The following MCF2L variants were observed in gnomAD, a reference collection of about 807,000 sequenced individuals.
MCF2L encodes MCF.2 cell line derived transforming sequence like.
In MCF2L, 97 loss-of-function variants were observed where a neutral mutation model predicts 153.4. The observed-to-expected ratio is 0.63, with a 90% CI of 0.54 to 0.75. MCF2L has a LOEUF of 0.75. MCF2L is among the 30% of genes least tolerant of loss of function. The pLI, the probability that MCF2L is intolerant of heterozygous loss-of-function variation, is 0.00. For missense variants in MCF2L, 1,347 were observed against 1,495.2 expected, an observed-to-expected ratio of 0.90 and a Z score of 1.64; for synonymous variants, 659 against 632.2, an observed-to-expected ratio of 1.04 and a Z score of -0.64.
chr13:112,946,805 G>A (rs2081641885), intron 2 of MCF2L, among the ~76,000 whole-genome samples: 1 of 152,168 alleles, frequency 6.6e-6, no homozygotes, highest in African/African-American at 2.4e-5. Flanking sequence ...CCAGGAAGGT[G>A]GAACAGACAT....
At chr13:112,919,568 T>C (rs12429496) in intron 2 of MCF2L, among the ~76,000 whole-genome samples, 1 of 149,950 alleles carries the variant, frequency 6.7e-6, no homozygotes, top group African/African-American at 2.5e-5. Flanking sequence ...GGAATCACTG[T>C]TTTGTTTTAA....
At chr13:112,995,808 T>A (rs2083104976) in intron 1 of MCF2L, among the ~76,000 whole-genome samples, 1 of 152,178 alleles carries the variant, frequency 6.6e-6, no homozygotes, top group Non-Finnish European at 1.5e-5. Context: ...AAGGGTGGGA[T>A]CTGGCTTACC....
intron 20 of MCF2L, among the ~76,000 whole-genome samples, chr13:113,085,464 C>T (rs1450858701): frequency 2.0e-5 from 3 of 152,202 alleles, no homozygotes; most frequent in Non-Finnish European, 4.4e-5. Context: ...AGGGTGGAGC[C>T]GTGCCCGGAT....
At position 113,028,865 on chromosome 13, in the gene MCF2L, G is replaced by A. The variant is rs551251889; in HGVS notation, c.278+4107G>A. ...AGTGTGTGGTGTGTGTGGCGTGTGC[G>A]GGGTGTGTGTGGGGTATGTGTGGTG... On this transcript the variant is annotated intron_variant, in intron 3 of 29. Transcript: ENST00000535094. The surrounding 1 kb of genome is among the most constrained non-coding windows in gnomAD (Gnocchi z 5.4). Among the ~76,000 whole-genome samples the A allele has an allele frequency of 5.3e-5, 8 of 151,186 alleles. No individual in the cohort carries two copies. The highest frequency in any genetic ancestry group is 3.3e-4 in the Admixed American group (5 of 15,170).
At chr13:112,978,519 G>A (rs1195236606) in intron 1 of MCF2L, among the ~76,000 whole-genome samples, 1 of 152,200 alleles carries the variant, frequency 6.6e-6, no homozygotes. Context: ...GGACACCAAG[G>A]CGCCACCTCT....
At chr13:112,978,520 C>T (rs950664819) in intron 1 of MCF2L, among the ~76,000 whole-genome samples, 33 of 152,268 alleles carry the variant, frequency 2.2e-4, no homozygotes, top group African/African-American at 7.2e-4. Context: ...GACACCAAGG[C>T]GCCACCTCTC....
At chr13:112,968,610 C>T (rs1170809763), upstream of MCF2L, 2 of 1,531,310 alleles carry the variant, frequency 1.3e-6, no homozygotes, top group Admixed American at 3.9e-5. Flanking sequence ...GACCCACGGA[C>T]CTGCTTACCT....
At chr13:112,997,434 A>T (rs1025076238) in intron 1 of MCF2L, among the ~76,000 whole-genome samples, 1 of 152,222 alleles carries the variant, frequency 6.6e-6, no homozygotes, top group Non-Finnish European at 1.5e-5. Context: ...GGGACCCCGT[A>T]CGTGGACAGC....
At position 113,000,248 on chromosome 13, in the gene MCF2L, C is replaced by T. The variant is rs544333222; in HGVS notation, c.80-14515C>T. On this transcript the variant is annotated intron_variant, in intron 1 of 29. Coordinates refer to ENST00000535094, the MANE Select transcript of MCF2L (RefSeq NM_001112732.3). ...GCTGTGGCTCAGGGGGCAGCTCACA[C>T]CGTGGGTACCAGCCAGCCCTAGGTC... is the stretch of plus-strand genomic sequence containing the variant. Among the ~76,000 whole-genome samples the T allele has an allele frequency of 1.2e-4, 19 of 152,196 alleles. No homozygotes were observed. In the South Asian group the frequency reaches 1.7e-3, roughly 13 times the overall value.
At chr13:113,080,840 G>A (rs1370200098) in intron 15 of MCF2L, among the ~76,000 whole-genome samples, 2 of 152,224 alleles carry the variant, frequency 1.3e-5, no homozygotes, top group Non-Finnish European at 2.9e-5. Flanking sequence ...GTGGATTCTA[G>A]GGATGGGTCC....
chr13:113,078,704 G>A lies in MCF2L; in HGVS notation c.1773G>A (p.Ala591=), dbSNP rs145652555. 126 of 1,609,824 alleles carry A rather than the reference G, an allele frequency of 7.8e-5. No individual in the cohort carries two copies. The highest frequency in any genetic ancestry group is 2.0e-4 in the Admixed American group (12 of 59,908). ...AGAGCCGGCAGGGCCGCGGCTCAGC[G>A]GGGGAGGAGGAGGAAAGCCTGGCCA... ...MSESRQGRGS[A]GEEEESLAIL... Residue 591 remains alanine, a synonymous_variant, in exon 15 of 30, where the codon GCG becomes GCA. Coordinates refer to ENST00000535094, the MANE Select transcript of MCF2L (RefSeq NM_001112732.3).
At chr13:112,921,920 A>G (rs1346885705) in intron 2 of MCF2L, among the ~76,000 whole-genome samples, 1 of 152,244 alleles carries the variant, frequency 6.6e-6, no homozygotes, top group Non-Finnish European at 1.5e-5. Flanking sequence ...AAGGATGCAA[A>G]TACCTACATA....
At position 113,046,095 on chromosome 13, in the gene MCF2L, A is replaced by G. The variant is rs970144611; in HGVS notation, c.369+734A>G. 1 of 157,062 alleles carries G rather than the reference A, an allele frequency of 6.4e-6. No homozygotes were observed. The highest frequency in any genetic ancestry group is 2.4e-5 in the African/African-American group (1 of 41,464). The allele number at this position is 157,062 out of a possible 1,614,324, so 9.7% of individuals were successfully genotyped here. ...CTGGGTTTGCTGTTGGTTTTAACCC[A>G]GAGTAATCATTTAAGAGGGAAGAGA... On this transcript the variant is annotated intron_variant, in intron 4 of 29. Coordinates refer to ENST00000535094, the MANE Select transcript of MCF2L (RefSeq NM_001112732.3). This position sits in a 1 kb window ranked among gnomAD's most constrained non-coding sequence, Gnocchi z 4.4.
In MCF2L at chr13:113,096,924, C is replaced by T; in HGVS notation, c.*65C>T. On this transcript the variant is annotated 3_prime_UTR_variant, in exon 30 of 30. Coordinates refer to ENST00000535094, the MANE Select transcript of MCF2L (RefSeq NM_001112732.3). Reference sequence around the variant, plus strand: ...TGCGGTGGCGTGGGGAGGGCGCGGCCCCCGGACGCCCCGAGGAAGGGGCAC... The same window carrying T: ...TGCGGTGGCGTGGGGAGGGCGCGGCTCCCGGACGCCCCGAGGAAGGGGCAC... 8.7e-7 allele frequency: 1 copy of T among 1,154,892 alleles called. No individual in the cohort carries two copies. Among genetic ancestry groups the T allele is most frequent in the Non-Finnish European group, 1.1e-6 (1 of 897,094 alleles). The allele number at this position is 1,154,892 out of a possible 1,614,324, so 71.5% of individuals were successfully genotyped here. A position where few individuals can be genotyped will look rare whatever the true frequency, so the allele number is the denominator to read the frequency against.
intron 3 of MCF2L, among the ~76,000 whole-genome samples, chr13:113,036,530 G>C (rs930421229): frequency 6.6e-6 from 1 of 152,126 alleles, no homozygotes; most frequent in Admixed American, 6.5e-5. Context: ...AGGGCATCAG[G>C]TGGGGCTGAT....
At chr13:112,953,749 A>G (rs1158456148) in intron 2 of MCF2L, among the ~76,000 whole-genome samples, 1 of 152,178 alleles carries the variant, frequency 6.6e-6, no homozygotes, top group African/African-American at 2.4e-5. Context: ...CTCCCTGCCC[A>G]GGGGAAGTGC....
Position 113,031,479 on chromosome 13 carries a change from G to A in MCF2L, c.278+6721G>A, listed in dbSNP as rs2085719062. Among the ~76,000 whole-genome samples, 1 of 152,174 alleles carries A rather than the reference G, an allele frequency of 6.6e-6. No homozygotes were observed. Among genetic ancestry groups the A allele is most frequent in the Admixed American group, 6.5e-5 (1 of 15,282 alleles). ...GTCGGGGGCTGTAGGGACAGAGTCT[G>A]GGAGGTGAGACAGGGTCTGTGGAGC... On this transcript the variant is annotated intron_variant, in intron 3 of 29. Transcript: ENST00000535094. This position sits in a 1 kb window ranked among gnomAD's most constrained non-coding sequence, Gnocchi z 5.5.
rs369844549 is a variant in MCF2L, at chr13:113,083,951, G to A, written c.1992-47G>A. ...GTCCATCCACTTGTCACTGGTCCACGTGACTCGGCCTGTCTTTCATACTAC... is the reference window on the plus strand; with the variant it reads ...GTCCATCCACTTGTCACTGGTCCACATGACTCGGCCTGTCTTTCATACTAC... On this transcript the variant is annotated intron_variant, in intron 17 of 29. Transcript: ENST00000535094. The A allele has an allele frequency of 9.3e-6, 13 of 1,395,260 alleles. No homozygotes were observed. In the African/African-American group the frequency reaches 1.1e-4, roughly 12 times the overall value. The allele number at this position is 1,395,260 out of a possible 1,614,324, so 86.4% of individuals were successfully genotyped here.
At chr13:113,006,769 G>C (rs2083726596) in intron 1 of MCF2L, among the ~76,000 whole-genome samples, 1 of 152,266 alleles carries the variant, frequency 6.6e-6, no homozygotes, top group South Asian at 2.1e-4. Flanking sequence ...TGCCCACTCA[G>C]CAGTCACTTG....
Sources: allele counts gnomAD v4.1 joint callset (sites outside exome capture counted in the v4.1 genomes callset), GRCh38; gene constraint gnomAD v4.1.1; non-coding constraint Gnocchi (gnomAD v3.1); transcripts MANE v1.5; gene names NCBI Gene and HGNC (gene_info 2026-07-23, HGNC 2026-07-21).